The following ELMO1 variants were observed in gnomAD, a reference collection of about 807,000 sequenced individuals.
ELMO1 encodes the protein engulfment and cell motility 1.
A neutral mutation model predicts 98.9 loss-of-function variants in ELMO1; 26 were observed. That is an observed-to-expected ratio of 0.26 (90% CI 0.19 to 0.36). The LOEUF is 0.36. ELMO1 is among the 10% of genes least tolerant of loss of function. The pLI, the probability that ELMO1 is intolerant of heterozygous loss-of-function variation, is 1.00. For synonymous variants in ELMO1, 346 were observed against 346.0 expected (o/e 1.00, Z 0.00); for missense variants, 627 against 935.2 (o/e 0.67, Z 4.30).
intron 7 of ELMO1, among the ~76,000 whole-genome samples, chr7:37,242,600 T>C (rs1304949969): frequency 6.6e-6 from 1 of 152,244 alleles, no homozygotes; most frequent in Non-Finnish European, 1.5e-5. Flanking sequence ...ATTTTTGTTC[T>C]AGCAGGAAGT....
intron 15 of ELMO1, among the ~76,000 whole-genome samples, chr7:37,049,082 T>C (rs1795958044): frequency 6.6e-6 from 1 of 152,178 alleles, no homozygotes; most frequent in Admixed American, 6.5e-5. Flanking sequence ...TTGTTTTCTC[T>C]GTCTTCCCAC....
intron 15 of ELMO1, among the ~76,000 whole-genome samples, chr7:37,084,594 T>A (rs1340215510): frequency 6.6e-6 from 1 of 152,200 alleles, no homozygotes; most frequent in Non-Finnish European, 1.5e-5. Flanking sequence ...ATCACCTCAG[T>A]CTACTTAACC....
intron 1 of ELMO1, among the ~76,000 whole-genome samples, chr7:37,404,817 C>T (rs1803684543): frequency 6.6e-6 from 1 of 152,112 alleles, no homozygotes. Context: ...AGATTGTGGT[C>T]GCAACTGGGT....
chr7:37,128,487 T>G (rs550601152), intron 14 of ELMO1, among the ~76,000 whole-genome samples: 2 of 152,198 alleles, frequency 1.3e-5, no homozygotes, highest in African/African-American at 4.8e-5. Context: ...TTTTACTCCA[T>G]GCACAGTAGG....
chr7:36,912,086 A>G (rs1165937375), intron 16 of ELMO1, among the ~76,000 whole-genome samples: 3 of 152,202 alleles, frequency 2.0e-5, no homozygotes, highest in Non-Finnish European at 4.4e-5. Context: ...ACAAATATTG[A>G]TATCCAAGTT....
Position 37,213,333 on chromosome 7 carries a change from A to G in ELMO1, c.954+2T>C, listed in dbSNP as rs1258449918. On this transcript the variant is annotated splice_donor_variant, in intron 12 of 21. Transcript: ENST00000310758. LOFTEE classifies it high-confidence loss of function. ...TTTGACTGCTGTCCAATGAGCACTC[A>G]CCTGGTCCTGGGGGTCCATTTTGGT... 1.2e-6 allele frequency: 2 copies of G among 1,612,660 alleles called. No homozygotes were observed. Among genetic ancestry groups the G allele is most frequent in the Non-Finnish European group, 1.7e-6 (2 of 1,179,558 alleles).
chr7:36,957,238 T>C (rs1188781982), intron 16 of ELMO1, among the ~76,000 whole-genome samples: 2 of 140,110 alleles, frequency 1.4e-5, no homozygotes, highest in Non-Finnish European at 2.9e-5. Context: ...TGAAGGAGTA[T>C]GGCTCCTGGA....
Position 36,917,398 on chromosome 7 carries a change from G to A in ELMO1, c.1438-22381C>T, listed in dbSNP as rs535799804. ...ATTGATAAATAGTCAAATTATAAAC[G>A]AAGTAAATTATTATAACCTCTGAAA... is the stretch of plus-strand genomic sequence containing the variant. On this transcript the variant is annotated intron_variant, in intron 16 of 21. Coordinates refer to ENST00000310758, the MANE Select transcript of ELMO1 (RefSeq NM_014800.11). Among the ~76,000 whole-genome samples the A allele has an allele frequency of 3.3e-5, 5 of 152,176 alleles. 1 individual carries two copies. Among genetic ancestry groups the A allele is most frequent in the East Asian group, 3.9e-4 (2 of 5,184 alleles).
chr7:37,031,989 C>G (rs758049451), intron 15 of ELMO1, among the ~76,000 whole-genome samples: 1 of 152,160 alleles, frequency 6.6e-6, no homozygotes, highest in Non-Finnish European at 1.5e-5. Context: ...GTGTGTAGGA[C>G]TGATCATCAT....
intron 13 of ELMO1, among the ~76,000 whole-genome samples, chr7:37,203,479 T>C (rs774880279): frequency 2.0e-4 from 30 of 152,164 alleles, no homozygotes; most frequent in Admixed American, 5.9e-4. Context: ...TTAGGCCTGA[T>C]TGTCTGAGGA....
intron 15 of ELMO1, among the ~76,000 whole-genome samples, chr7:37,018,126 C>CTTT (rs1794051764): frequency 7.3e-6 from 1 of 137,358 alleles, no homozygotes; most frequent in Admixed American, 7.3e-5. Context: ...CTATTAGTTA[C>CTTT]TATTTTTTTT....
At position 37,013,706 on chromosome 7, in the gene ELMO1, G is replaced by A. The variant is rs1215424884; in HGVS notation, c.1301-271C>T. 5 of 362,354 alleles carry A rather than the reference G, an allele frequency of 1.4e-5. No homozygotes were observed. The South Asian group carries it at 2.0e-4, about 14-fold the overall frequency. The allele number at this position is 362,354 out of a possible 1,614,324, so 22.4% of individuals were successfully genotyped here. On this transcript the variant is annotated intron_variant, in intron 15 of 21. Transcript: ENST00000310758. ...CCCATGCCAGGACAAGACCCTCTTGGCTTTGTTCCAAAACTGCTGTGTTGA... is the reference window on the plus strand; with the variant it reads ...CCCATGCCAGGACAAGACCCTCTTGACTTTGTTCCAAAACTGCTGTGTTGA...
intron 19 of ELMO1, among the ~76,000 whole-genome samples, chr7:36,871,805 T>C (rs952602978): frequency 1.3e-5 from 2 of 152,018 alleles, no homozygotes; most frequent in African/African-American, 4.8e-5. Context: ...CTGTTGACAC[T>C]CCTAGAATAT....
Position 36,934,900 on chromosome 7 carries a change from G to A in ELMO1, c.1438-39883C>T, listed in dbSNP as rs112686307. On this transcript the variant is annotated intron_variant, in intron 16 of 21. Transcript: ENST00000310758. ...GCTTGTTCTTCATTTCTCATCACTTGAGTGAGATGCCAGGGACACAGGAAA... is the reference window on the plus strand; with the variant it reads ...GCTTGTTCTTCATTTCTCATCACTTAAGTGAGATGCCAGGGACACAGGAAA... Among the ~76,000 whole-genome samples, 483 of 152,328 alleles carry A rather than the reference G, an allele frequency of 3.2e-3. 2 individuals are homozygous for A. Among genetic ancestry groups the A allele is most frequent in the African/African-American group, 0.011 (458 of 41,580 alleles).
At chr7:36,977,110 CTG>C (rs987285478) in intron 16 of ELMO1, among the ~76,000 whole-genome samples, 2 of 152,194 alleles carry the variant, frequency 1.3e-5, no homozygotes, top group Non-Finnish European at 2.9e-5. Flanking sequence ...GCTACTGAAA[CTG>C]TTAGGAAAAG....
At chr7:36,963,206 T>C (rs1250125333) in intron 16 of ELMO1, among the ~76,000 whole-genome samples, 1 of 151,664 alleles carries the variant, frequency 6.6e-6, no homozygotes, top group Non-Finnish European at 1.5e-5. Context: ...AGTGAAACCC[T>C]GTCTCTACTA....
chr7:37,314,772 G>T, intron 4 of ELMO1, 78 bp downstream of exon 4: 2 of 1,389,262 alleles, frequency 1.4e-6, no homozygotes, highest in Non-Finnish European at 1.0e-6. Context: ...TGCATGTCTA[G>T]GCCCGAACAA....
At chr7:37,289,965 T>C (rs1797591146) in intron 4 of ELMO1, among the ~76,000 whole-genome samples, 2 of 152,200 alleles carry the variant, frequency 1.3e-5, no homozygotes, top group South Asian at 4.1e-4. Flanking sequence ...AGGCCTTGCC[T>C]CCAGATCTGT....
intron 16 of ELMO1, among the ~76,000 whole-genome samples, chr7:36,901,417 T>C (rs1806495489): frequency 6.6e-6 from 1 of 152,208 alleles, no homozygotes. Context: ...TTGTGAGCCA[T>C]ACAGTGTCTG....
Sources: gnomAD v4.1 joint callset for allele counts (sites outside exome capture counted in the v4.1 genomes callset) on GRCh38, gnomAD v4.1.1 for gene constraint, MANE v1.5 for transcripts, NCBI Gene and HGNC (gene_info 2026-07-23, HGNC 2026-07-21) for gene names.